Variants in CGNL1 observed in about 807,000 individuals in gnomAD.
CGNL1 encodes cingulin like 1.
A neutral mutation model predicts 141.2 loss-of-function variants in CGNL1; 132 were observed. The ratio of observed to expected loss-of-function variants is 0.93; its 90% CI spans 0.81 to 1.08. CGNL1 has a LOEUF of 1.08. Among genes scored for constraint, CGNL1 ranks in the 50% least tolerant of loss-of-function variants. The pLI, the probability that CGNL1 is intolerant of heterozygous loss-of-function variation, is 0.00. For missense variants in CGNL1, 1,870 were observed against 1,588.6 expected, an observed-to-expected ratio of 1.18 and a Z score of -3.01; for synonymous variants, 690 against 622.1, an observed-to-expected ratio of 1.11 and a Z score of -1.63.
intron 8 of CGNL1, among the ~76,000 whole-genome samples, chr15:57,503,495 G>A (rs1459162743): frequency 3.3e-5 from 5 of 152,202 alleles, no homozygotes; most frequent in African/African-American, 4.8e-5. Flanking sequence ...TGGACCAGTT[G>A]AGGACTGGGC....
chr15:57,543,780 G>A lies in CGNL1; in HGVS notation c.3375+1G>A, dbSNP rs1325924977. On this transcript the variant is annotated splice_donor_variant, in intron 15 of 18. Coordinates refer to ENST00000281282, the MANE Select transcript of CGNL1 (RefSeq NM_032866.5). LOFTEE classifies it high-confidence loss of function. ...CGACAAGATTTCCCTGGAGAGGCAG[G>A]TGAGGGCAGCCAGCCTGTGAGCTGC... 6 of 1,613,216 alleles carry A rather than the reference G, an allele frequency of 3.7e-6. No homozygotes were observed. Among genetic ancestry groups the A allele is most frequent in the Non-Finnish European group, 5.1e-6 (6 of 1,179,312 alleles).
chr15:57,535,203 A>T (rs1464873338), intron 14 of CGNL1, among the ~76,000 whole-genome samples: 1 of 152,192 alleles, frequency 6.6e-6, no homozygotes, highest in African/African-American at 2.4e-5. Context: ...GCAGTGCTCT[A>T]TCTACCCGTG....
chr15:57,431,432 G>T (rs1251121176), intron 1 of CGNL1, among the ~76,000 whole-genome samples: 1 of 152,180 alleles, frequency 6.6e-6, no homozygotes, highest in Non-Finnish European at 1.5e-5. Flanking sequence ...TTTAGGTAAG[G>T]CTGCCTCTTT....
intron 8 of CGNL1, among the ~76,000 whole-genome samples, chr15:57,498,672 C>T (rs1169658472): frequency 1.3e-5 from 2 of 151,972 alleles, no homozygotes; most frequent in African/African-American, 4.8e-5. Flanking sequence ...AAATAAAAAT[C>T]GCACCCATGA....
chr15:57,394,101 G>GGTTTTTTTTTTTTTTTTTTTTTTT (rs2062574056), intron 1 of CGNL1: 1 of 33,470 alleles, frequency 3.0e-5, no homozygotes, highest in Non-Finnish European at 6.4e-5. Flanking sequence ...GGTAATTTCT[G>GGTTTTTTTTTTTTTTTTTTTTTTT]TTTGTTTTTT....
At chr15:57,411,308 C>T (rs1278743161) in intron 1 of CGNL1, among the ~76,000 whole-genome samples, 1 of 152,144 alleles carries the variant, frequency 6.6e-6, no homozygotes. Context: ...TGGACGTTCT[C>T]TTGTATACCA....
chr15:57,432,369 CAGAG>C (rs765025936), intron 1 of CGNL1, among the ~76,000 whole-genome samples: 2 of 152,174 alleles, frequency 1.3e-5, no homozygotes, highest in Non-Finnish European at 2.9e-5. Flanking sequence ...TGTGATGGCC[CAGAG>C]AGAGGAAATG....
intron 15 of CGNL1, among the ~76,000 whole-genome samples, chr15:57,544,025 T>G (rs1437751406): frequency 6.6e-6 from 1 of 152,198 alleles, no homozygotes; most frequent in African/African-American, 2.4e-5. Context: ...TAAATTCTAA[T>G]GTAAAGAGAA....
rs1252630143 is a variant in CGNL1, at chr15:57,546,232, G to A, written c.3766G>A (p.Asp1256Asn). 1.3e-6 allele frequency: 2 copies of A among 1,579,984 alleles called. No homozygotes were observed. Among genetic ancestry groups the A allele is most frequent in the Non-Finnish European group, 1.7e-6 (2 of 1,162,884 alleles). ...LQGQLNSMKK[D>N]LRLKKLPSKV... ...GGGGCAGCTCAACTCCATGAAGAAG[G>A]ACTTAAGGTGGGCAGGTGTGGAGGC... Residue 1256 changes from aspartate (D) to asparagine (N), a missense_variant, in exon 18 of 19, where the codon GAC becomes AAC. Transcript: ENST00000281282.
Position 57,452,291 on chromosome 15 carries a change from T to C in CGNL1, c.2054+2T>C. 6.2e-7 allele frequency: 1 copy of C among 1,612,326 alleles called. No individual in the cohort carries two copies. Among genetic ancestry groups the C allele is most frequent in the Non-Finnish European group, 8.5e-7 (1 of 1,179,198 alleles). On this transcript the variant is annotated splice_donor_variant, in intron 6 of 18. Transcript: ENST00000281282. LOFTEE classifies it high-confidence loss of function. ...GGAGCTCCGGAAGAATCTGGAGGAG[T>C]AAGTTCTGGGCTGAGAGCCTGTTGC...
At position 57,414,291 on chromosome 15, in the gene CGNL1, A is replaced by G. The variant is rs575102911; in HGVS notation, c.-15-23694A>G. Among the ~76,000 whole-genome samples, 10 of 152,336 alleles carry G rather than the reference A, an allele frequency of 6.6e-5. No individual in the cohort carries two copies. The South Asian group carries it at 2.1e-3, about 32-fold the overall frequency. Reference sequence around the variant, plus strand: ...GCAGACGGGGCTGGCCGTCCATCACAGGCAGATTTGAACAGGGAATCTAAT... The same window carrying G: ...GCAGACGGGGCTGGCCGTCCATCACGGGCAGATTTGAACAGGGAATCTAAT... On this transcript the variant is annotated intron_variant, in intron 1 of 18. Coordinates refer to ENST00000281282, the MANE Select transcript of CGNL1 (RefSeq NM_032866.5).
At chr15:57,377,751 C>G (rs2062381154) in intron 1 of CGNL1, among the ~76,000 whole-genome samples, 1 of 152,208 alleles carries the variant, frequency 6.6e-6, no homozygotes, top group African/African-American at 2.4e-5. Context: ...CAGTCCTTGT[C>G]AGGGTCAAGG....
chr15:57,417,976 G>A (rs770099947), intron 1 of CGNL1, among the ~76,000 whole-genome samples: 5 of 152,130 alleles, frequency 3.3e-5, no homozygotes, highest in Non-Finnish European at 5.9e-5. Flanking sequence ...CTTTGCATAC[G>A]AACAGGGGTG....
intron 8 of CGNL1, among the ~76,000 whole-genome samples, chr15:57,503,757 G>C (rs2064061010): frequency 6.6e-6 from 1 of 152,146 alleles, no homozygotes; most frequent in African/African-American, 2.4e-5. Context: ...GGCAGCAAGA[G>C]AAAATGAGGA....
chr15:57,418,830 G>A (rs1446673073), intron 1 of CGNL1, among the ~76,000 whole-genome samples: 1 of 152,150 alleles, frequency 6.6e-6, no homozygotes, highest in Non-Finnish European at 1.5e-5. Flanking sequence ...GTTTCTCTGC[G>A]CTGGCCGTCC....
At chr15:57,446,772 G>C (rs186958225) in intron 4 of CGNL1, among the ~76,000 whole-genome samples, 6 of 145,116 alleles carry the variant, frequency 4.1e-5, no homozygotes, top group African/African-American at 1.5e-4. Flanking sequence ...ACTGTTAAAT[G>C]TTCCCAAATG....
intron 8 of CGNL1, among the ~76,000 whole-genome samples, chr15:57,464,043 C>T (rs1007956886): frequency 1.3e-4 from 20 of 149,564 alleles, no homozygotes; most frequent in Non-Finnish European, 8.9e-5. Flanking sequence ...TTAGACTCTG[C>T]ACTTCTTAGG....
At position 57,442,324 on chromosome 15, in the gene CGNL1, A is replaced by C. The variant is rs1190408650; in HGVS notation, c.1698-49A>C. The C allele has an allele frequency of 2.6e-6, 3 of 1,161,422 alleles. No individual in the cohort carries two copies. In the South Asian group the frequency reaches 3.7e-5, roughly 14 times the overall value. 71.9% of individuals were successfully genotyped at this position (1,161,422 alleles called of 1,614,324 possible). On this transcript the variant is annotated intron_variant, in intron 3 of 18. Coordinates refer to ENST00000281282, the MANE Select transcript of CGNL1 (RefSeq NM_032866.5). ...GTGTCATGACATATAAATTGTTCTGAGACCAGTGGTTGTGTCCCTCATTGT... is the reference window on the plus strand; with the variant it reads ...GTGTCATGACATATAAATTGTTCTGCGACCAGTGGTTGTGTCCCTCATTGT...
chr15:57,437,068 A>T (rs906635412), intron 1 of CGNL1, among the ~76,000 whole-genome samples: 1 of 151,654 alleles, frequency 6.6e-6, no homozygotes, highest in Non-Finnish European at 1.5e-5. Flanking sequence ...GCTGTTTTGC[A>T]AAGTGTTAGA....
Sources: allele counts gnomAD v4.1 joint callset (sites outside exome capture counted in the v4.1 genomes callset), GRCh38; gene constraint gnomAD v4.1.1; transcripts MANE v1.5; gene names NCBI Gene and HGNC (gene_info 2026-07-23, HGNC 2026-07-21).